Variants in SMCO4 observed in about 807,000 individuals in gnomAD.
SMCO4 encodes single-pass membrane and coiled-coil domain-containing protein 4.
Under a neutral mutation model 3.6 loss-of-function variants are expected in SMCO4, and 4 were observed. The observed-to-expected ratio is 1.11, with a 90% CI of 0.54 to 2.53. The LOEUF (loss-of-function observed/expected upper bound fraction) is 2.53. SMCO4 is among the 30% of genes most tolerant of loss of function. The pLI is 0.02. For synonymous variants in SMCO4, 36 were observed against 35.3 expected (o/e 1.02, Z -0.07); for missense variants, 70 against 80.8 (o/e 0.87, Z 0.51).
At chr11:93,513,322 A>G (rs909853481) in intron 1 of SMCO4, among the ~76,000 whole-genome samples, 1 of 152,268 alleles carries the variant, frequency 6.6e-6, no homozygotes, top group Admixed American at 6.5e-5. Flanking sequence ...ACTATTATAC[A>G]CAAACACAAG....
intron 1 of SMCO4, among the ~76,000 whole-genome samples, chr11:93,514,413 T>TATATATACACACAC (rs1555077563): frequency 5.9e-5 from 2 of 33,950 alleles, no homozygotes; most frequent in Admixed American, 2.5e-4. Flanking sequence ...TATATATATA[T>TATATATACACACAC]ATATATATAA....
At chr11:93,482,833 A>C (rs1164291779) in intron 2 of SMCO4, among the ~76,000 whole-genome samples, 1 of 152,202 alleles carries the variant, frequency 6.6e-6, no homozygotes, top group East Asian at 1.9e-4. Context: ...CCAGCACGCC[A>C]AACAGCACCA....
At chr11:93,483,246 G>C (rs1948612113) in intron 2 of SMCO4, among the ~76,000 whole-genome samples, 1 of 152,172 alleles carries the variant, frequency 6.6e-6, no homozygotes, top group Non-Finnish European at 1.5e-5. Context: ...CTTTTGGAGG[G>C]TGGAAAGGCC....
At chr11:93,548,224 T>A (rs1180534205), upstream of SMCO4, among the ~76,000 whole-genome samples, 1 of 152,228 alleles carries the variant, frequency 6.6e-6, no homozygotes, top group South Asian at 2.1e-4. Flanking sequence ...GCTAAATGTA[T>A]GCAATTCTTG....
chr11:93,505,937 T>C (rs761850328), intron 1 of SMCO4, among the ~76,000 whole-genome samples: 1 of 152,144 alleles, frequency 6.6e-6, no homozygotes, highest in Non-Finnish European at 1.5e-5. Flanking sequence ...GTGCCAGACA[T>C]GGTACTTGGT....
At chr11:93,543,208 C>A in intron 1 of SMCO4, 68 bp downstream of exon 1, 1 of 125,640 alleles carries the variant, frequency 8.0e-6, no homozygotes, top group South Asian at 2.4e-4. Context: ...CCCGGTGCCC[C>A]GTGCCCCGCG....
chr11:93,545,272 A>G (rs1270509036), upstream of SMCO4, among the ~76,000 whole-genome samples: 1 of 152,182 alleles, frequency 6.6e-6, no homozygotes, highest in African/African-American at 2.4e-5. Flanking sequence ...AGTAGTAATA[A>G]CATAGATATT....
the SMCO4 span, among the ~76,000 whole-genome samples, chr11:93,549,407 G>C: frequency 1.3e-5 from 2 of 152,094 alleles, no homozygotes; most frequent in African/African-American, 4.8e-5. Context: ...TGAATTCCCA[G>C]AAGCCAACAT....
chr11:93,525,455 A>C (rs1949097623), intron 1 of SMCO4, among the ~76,000 whole-genome samples: 1 of 152,214 alleles, frequency 6.6e-6, no homozygotes, highest in African/African-American at 2.4e-5. Context: ...TCCTTGAAAG[A>C]AAAAAGTTCC....
At chr11:93,492,393 T>A (rs1246679002) in intron 2 of SMCO4, among the ~76,000 whole-genome samples, 7 of 152,240 alleles carry the variant, frequency 4.6e-5, no homozygotes, top group African/African-American at 1.4e-4. Context: ...CTGGGTAATG[T>A]CCTGGTGACA....
chr11:93,487,630 G>A (rs1948666579), intron 2 of SMCO4, among the ~76,000 whole-genome samples: 2 of 152,228 alleles, frequency 1.3e-5, no homozygotes, highest in Non-Finnish European at 2.9e-5. Context: ...AGACATGAAA[G>A]CTAGCATTCT....
chr11:93,521,427 C>T (rs572462306), intron 1 of SMCO4, among the ~76,000 whole-genome samples: 1 of 152,322 alleles, frequency 6.6e-6, no homozygotes, highest in African/African-American at 2.4e-5. Flanking sequence ...TAAACTCGAG[C>T]TAACTCATCT....
intron 1 of SMCO4, among the ~76,000 whole-genome samples, chr11:93,538,080 G>A (rs1949242995): frequency 1.3e-5 from 2 of 152,206 alleles, no homozygotes; most frequent in African/African-American, 4.8e-5. Flanking sequence ...CTAGGGGAAA[G>A]GGCACAAAAC....
the SMCO4 span, among the ~76,000 whole-genome samples, chr11:93,552,196 G>A: frequency 1.6e-5 from 2 of 125,316 alleles, no homozygotes; most frequent in African/African-American, 6.2e-5. Context: ...TCACTCTGTC[G>A]CTCAGGCTGA....
Position 93,478,780 on chromosome 11 carries a change from G to A in SMCO4, c.*230C>T. The A allele has an allele frequency of 8.1e-7, 1 of 1,240,830 alleles. No homozygotes were observed. The highest frequency in any genetic ancestry group is 1.0e-6 in the Non-Finnish European group (1 of 961,128). The allele number at this position is 1,240,830 out of a possible 1,614,324, so 76.9% of individuals were successfully genotyped here. A position where few individuals can be genotyped will look rare whatever the true frequency, so the allele number is the denominator to read the frequency against. ...GCGCGCGCGCTTTGAAGTCTGAAAGGCACATGAAGTGGACCATAAGGTGTA... is the reference window on the plus strand; with the variant it reads ...GCGCGCGCGCTTTGAAGTCTGAAAGACACATGAAGTGGACCATAAGGTGTA... On this transcript the variant is annotated 3_prime_UTR_variant, in exon 3 of 3. Coordinates refer to ENST00000298966, the MANE Select transcript of SMCO4 (RefSeq NM_020179.3).
Position 93,532,200 on chromosome 11 carries a change from T to C in SMCO4, c.-154+11076A>G, listed in dbSNP as rs1445567994. Among the ~76,000 whole-genome samples, 12 of 152,332 alleles carry C rather than the reference T, an allele frequency of 7.9e-5. No homozygotes were observed. The East Asian group carries it at 2.3e-3, about 29-fold the overall frequency. On this transcript the variant is annotated intron_variant, in intron 1 of 2. Transcript: ENST00000298966. ...AGTCATACTAGAATAGGGTGGGCCC[T>C]AATCCAATGACTAGTGTCCTTATAA... is the stretch of plus-strand genomic sequence containing the variant.
At chr11:93,493,026 C>A (rs1301522044) in intron 2 of SMCO4, among the ~76,000 whole-genome samples, 2 of 152,176 alleles carry the variant, frequency 1.3e-5, no homozygotes, top group Admixed American at 6.5e-5. Context: ...AGAAAATGAA[C>A]TTGAGCTGCT....
intron 2 of SMCO4, among the ~76,000 whole-genome samples, chr11:93,489,199 C>T (rs1948685920): frequency 6.6e-6 from 1 of 152,172 alleles, no homozygotes; most frequent in Non-Finnish European, 1.5e-5. Context: ...AGGCAGGTTA[C>T]TTAATCTTTC....
intron 2 of SMCO4, among the ~76,000 whole-genome samples, chr11:93,480,897 A>T (rs1948584676): frequency 6.6e-6 from 1 of 152,236 alleles, no homozygotes; most frequent in Admixed American, 6.5e-5. Flanking sequence ...AATCAGGCAG[A>T]GTTTCCTAAG....
Sources: allele counts gnomAD v4.1 joint callset (sites outside exome capture counted in the v4.1 genomes callset), GRCh38; gene constraint gnomAD v4.1.1; transcripts MANE v1.5; gene names NCBI Gene and HGNC (gene_info 2026-07-23, HGNC 2026-07-21).